Variants in DOCK2 observed in about 807,000 individuals in gnomAD.
DOCK2 encodes the protein dedicator of cytokinesis 2, also known as dedicator of cytokinesis protein 2.
DOCK2 carries 87 observed loss-of-function variants against 248.9 expected under a neutral mutation model. The ratio of observed to expected loss-of-function variants is 0.35; its 90% CI spans 0.29 to 0.42. The LOEUF (loss-of-function observed/expected upper bound fraction) is 0.42, where lower values mean the gene tolerates loss of function less well. Ranked by LOEUF, DOCK2 falls within the 10% of genes least tolerant of loss-of-function variation. The pLI, the probability that DOCK2 is intolerant of heterozygous loss-of-function variation, is 1.00. For missense variants in DOCK2, 1,747 were observed against 2,300.2 expected (o/e 0.76, Z 4.92); for synonymous variants, 805 against 821.6 (o/e 0.98, Z 0.35).
chr5:169,952,696 T>C lies in DOCK2; in HGVS notation c.2800-30372T>C, dbSNP rs545908321. Among the ~76,000 whole-genome samples, 34 of 152,236 alleles carry C rather than the reference T, an allele frequency of 2.2e-4. No homozygotes were observed. In the East Asian group the frequency reaches 5.2e-3, roughly 23 times the overall value. On this transcript the variant is annotated intron_variant, in intron 27 of 51. Coordinates refer to ENST00000520908, the MANE Select transcript of DOCK2 (RefSeq NM_004946.3). ...TTTCCTAATCCCGTGGATATCATGC[T>C]CCAGCCAGCCTTGCCCCTGGAATGG...
chr5:169,798,439 C>T (rs1561706040), intron 25 of DOCK2, among the ~76,000 whole-genome samples: 4 of 152,218 alleles, frequency 2.6e-5, no homozygotes, highest in Admixed American at 6.5e-5. Flanking sequence ...TGGTGACTTA[C>T]CAAGGAGATC....
intron 25 of DOCK2, among the ~76,000 whole-genome samples, chr5:169,788,905 A>T (rs1766151816): frequency 6.6e-6 from 1 of 152,126 alleles, no homozygotes; most frequent in South Asian, 2.1e-4. Context: ...AACTTGTGTC[A>T]TGGGGATTTG....
intron 6 of DOCK2, among the ~76,000 whole-genome samples, chr5:169,680,187 G>A (rs1272729904): frequency 6.6e-6 from 1 of 152,240 alleles, no homozygotes; most frequent in African/African-American, 2.4e-5. Flanking sequence ...ATATGACCTT[G>A]AGCAATTAGT....
chr5:169,729,110 A>T (rs1177348645), intron 22 of DOCK2, among the ~76,000 whole-genome samples: 2 of 152,198 alleles, frequency 1.3e-5, no homozygotes, highest in Admixed American at 6.5e-5. Context: ...GTGGGAGAGC[A>T]ATTTACTGAA....
intron 30 of DOCK2, among the ~76,000 whole-genome samples, chr5:169,998,821 G>A (rs1258746753): frequency 2.0e-5 from 3 of 152,132 alleles, no homozygotes; most frequent in Non-Finnish European, 4.4e-5. Flanking sequence ...ATAAATCTTC[G>A]ACACGGGAAC....
At chr5:169,743,421 C>T (rs1039293888) in intron 22 of DOCK2, among the ~76,000 whole-genome samples, 1 of 152,180 alleles carries the variant, frequency 6.6e-6, no homozygotes, top group African/African-American at 2.4e-5. Flanking sequence ...AAATATTCCT[C>T]TTATGCTCAG....
intron 27 of DOCK2, among the ~76,000 whole-genome samples, chr5:169,911,134 T>G (rs892019809): frequency 1.1e-4 from 17 of 152,248 alleles, no homozygotes; most frequent in Non-Finnish European, 7.3e-5. Flanking sequence ...TTAATGTTTT[T>G]ATTTTATTTT....
rs762701119 is a variant in DOCK2, at chr5:169,674,443, C to T, written c.468C>T (p.Asn156=). ...QKVTSKIDYG[N]KILELDLIVR... ...TCACGTCCAAAATTGACTATGGCAA[C>T]AAGTAACCTCTCTTTCCTCTGCAAA... The change falls in exon 6 of 52, where the codon AAC becomes AAT. Residue 156 remains asparagine, a splice_region_variant and synonymous_variant. Coordinates refer to ENST00000520908, the MANE Select transcript of DOCK2 (RefSeq NM_004946.3). 1.8e-5 allele frequency: 29 copies of T among 1,614,098 alleles called. No individual in the cohort carries two copies. Among genetic ancestry groups the T allele is most frequent in the Admixed American group, 6.7e-5 (4 of 60,014 alleles).
intron 36 of DOCK2, among the ~76,000 whole-genome samples, chr5:170,039,603 C>G (rs1287038671): frequency 6.6e-5 from 10 of 152,260 alleles, no homozygotes. Flanking sequence ...GCCTCAAAAT[C>G]TTTGGCGGTC....
At chr5:169,992,613 C>T (rs922320983) in intron 29 of DOCK2, among the ~76,000 whole-genome samples, 13 of 152,068 alleles carry the variant, frequency 8.5e-5, no homozygotes, top group South Asian at 2.1e-4. Flanking sequence ...TACAGGCACT[C>T]GCCACCACGC....
At chr5:169,652,795 GAGTT>G (rs1314807436) in intron 1 of DOCK2, among the ~76,000 whole-genome samples, 1 of 152,220 alleles carries the variant, frequency 6.6e-6, no homozygotes, top group Non-Finnish European at 1.5e-5. Context: ...AGATGAATGA[GAGTT>G]AGAGACTGGC....
At position 170,082,897 on chromosome 5, in the gene DOCK2, G is replaced by T; in HGVS notation, c.*39G>T. On this transcript the variant is annotated 3_prime_UTR_variant, in exon 52 of 52. Transcript: ENST00000520908. ...AGGGCTGCATGGGAGAGCCAGGGAG[G>T]GGAGTTTCTGGAAGAGGAAAGCCAT... 1 of 1,613,696 alleles carries T rather than the reference G, an allele frequency of 6.2e-7. No individual in the cohort carries two copies. The highest frequency in any genetic ancestry group is 1.1e-5 in the South Asian group (1 of 91,042).
chr5:169,718,057 T>G (rs970567427), intron 21 of DOCK2, among the ~76,000 whole-genome samples: 25 of 117,068 alleles, frequency 2.1e-4, no homozygotes, highest in Non-Finnish European at 3.3e-4. Flanking sequence ...AAGACTCATC[T>G]CAAAAACAAA....
intron 25 of DOCK2, among the ~76,000 whole-genome samples, chr5:169,766,832 G>A (rs418661): frequency 0.19 from 28,618 of 151,996 alleles, 3,741 homozygotes; most frequent in Admixed American, 0.33. Flanking sequence ...CAATGGTGCG[G>A]TCTCAGCTCA....
intron 36 of DOCK2, among the ~76,000 whole-genome samples, chr5:170,038,732 C>T (rs1756406454): frequency 6.6e-6 from 1 of 152,166 alleles, no homozygotes; most frequent in South Asian, 2.1e-4. Flanking sequence ...CTTCTTTTTA[C>T]TAGGGTGCCT....
intron 27 of DOCK2, among the ~76,000 whole-genome samples, chr5:169,925,212 G>A (rs1404038870): frequency 6.6e-6 from 1 of 152,194 alleles, no homozygotes; most frequent in Non-Finnish European, 1.5e-5. Flanking sequence ...CAGTCAGGCA[G>A]CCCTAGCTTA....
chr5:169,881,283 T>G, intron 27 of DOCK2: 1 of 1,153,364 alleles, frequency 8.7e-7, no homozygotes, highest in Non-Finnish European at 1.3e-6. Flanking sequence ...TCTCTTGACT[T>G]TTTGCATTTA....
intron 27 of DOCK2, among the ~76,000 whole-genome samples, chr5:169,952,101 G>C (rs1444755120): frequency 1.3e-5 from 2 of 152,222 alleles, no homozygotes; most frequent in African/African-American, 4.8e-5. Context: ...ATTTCAGAGA[G>C]ATAGAAGCTT....
intron 25 of DOCK2, among the ~76,000 whole-genome samples, chr5:169,791,167 C>T (rs1024478829): frequency 3.3e-5 from 5 of 151,808 alleles, no homozygotes; most frequent in Non-Finnish European, 5.9e-5. Context: ...TAAGATCCTA[C>T]TGGATAACAG....
Sources: gnomAD v4.1 joint callset for allele counts (sites outside exome capture counted in the v4.1 genomes callset) on GRCh38, gnomAD v4.1.1 for gene constraint, MANE v1.5 for transcripts, NCBI Gene and HGNC (gene_info 2026-07-23, HGNC 2026-07-21) for gene names.